The following C9orf153 variants were observed in gnomAD, a reference collection of about 807,000 sequenced individuals.
C9orf153 encodes chromosome 9 open reading frame 153, also known as uncharacterized protein C9orf153.
In C9orf153, 10 loss-of-function variants were observed where a neutral mutation model predicts 9.0. The observed-to-expected ratio is 1.11, with a 90% confidence interval of 0.69 to 1.89. C9orf153 has a LOEUF of 1.89. Ranked by LOEUF, C9orf153 falls within the 40% of genes most tolerant of loss-of-function variation. C9orf153 has a pLI of 0.00. For missense variants in C9orf153, 108 were observed against 111.0 expected, an observed-to-expected ratio of 0.97 and a Z score of 0.12; for synonymous variants, 35 against 37.3, an observed-to-expected ratio of 0.94 and a Z score of 0.23.
At chr9:86,242,734 AG>A (rs1824776744) in intron 1 of C9orf153, among the ~76,000 whole-genome samples, 1 of 152,168 alleles carries the variant, frequency 6.6e-6, no homozygotes, top group Admixed American at 6.5e-5. Context: ...GCTGGATTGC[AG>A]TGGTGCAATC....
At chr9:86,236,782 A>T (rs528147244) in intron 1 of C9orf153, among the ~76,000 whole-genome samples, 5 of 151,862 alleles carry the variant, frequency 3.3e-5, no homozygotes, top group African/African-American at 1.2e-4. Flanking sequence ...TTCTTAATTG[A>T]TGAAAAGATA....
intron 1 of C9orf153, among the ~76,000 whole-genome samples, chr9:86,244,518 A>T (rs1468272554): frequency 6.6e-6 from 1 of 152,258 alleles, no homozygotes; most frequent in Admixed American, 6.5e-5. Flanking sequence ...ACGGCAGCAG[A>T]TGTATGATAA....
chr9:86,250,006 T>C (rs1345484715), intron 1 of C9orf153, among the ~76,000 whole-genome samples: 1 of 152,192 alleles, frequency 6.6e-6, no homozygotes, highest in Non-Finnish European at 1.5e-5. Flanking sequence ...GTTCGTCTTC[T>C]TGGGGGCAAG....
intron 1 of C9orf153, among the ~76,000 whole-genome samples, chr9:86,233,822 C>T (rs982832317): frequency 9.8e-5 from 15 of 152,308 alleles, no homozygotes; most frequent in Middle Eastern, 3.4e-3. Flanking sequence ...CGGTGACTGG[C>T]GCCTGTAATC....
chr9:86,221,873 A>G, intron 3 of C9orf153, 140 bp from the exon 4 acceptor site: 1 of 513,446 alleles, frequency 1.9e-6, no homozygotes, highest in South Asian at 3.6e-5. Flanking sequence ...CTAAAGCTTT[A>G]TTTTTAATTT....
chr9:86,249,834 A>G (rs1824956419), intron 1 of C9orf153, among the ~76,000 whole-genome samples: 1 of 152,234 alleles, frequency 6.6e-6, no homozygotes, highest in African/African-American at 2.4e-5. Context: ...GGCATGAGAC[A>G]CTGCACTTGG....
Position 86,221,581 on chromosome 9 carries a change from G to A in C9orf153, c.*107C>T. The A allele has an allele frequency of 2.1e-6, 3 of 1,422,116 alleles. No individual in the cohort carries two copies. The highest frequency in any genetic ancestry group is 2.8e-6 in the Non-Finnish European group (3 of 1,085,520). 88.1% of individuals were successfully genotyped at this position (1,422,116 alleles called of 1,614,324 possible). On this transcript the variant is annotated 3_prime_UTR_variant, in exon 4 of 4. Transcript: ENST00000339137. ...ACCAAAGACTTGCGAACTATAGGGG[G>A]GAAAATAACGTCAGGCATGTCCTGG...
intron 1 of C9orf153, among the ~76,000 whole-genome samples, chr9:86,233,819 TGG>T (rs1163333844): frequency 7.9e-5 from 12 of 152,202 alleles, no homozygotes; most frequent in African/African-American, 2.7e-4. Flanking sequence ...GCGCGGTGAC[TGG>T]CGCCTGTAAT....
At chr9:86,227,653 T>C (rs1214935292) in intron 3 of C9orf153, 1 of 985,260 alleles carries the variant, frequency 1.0e-6, no homozygotes, top group East Asian at 1.1e-4. Context: ...GAACCTTCTG[T>C]ACGGTAACTT....
intron 1 of C9orf153, among the ~76,000 whole-genome samples, chr9:86,237,893 A>G (rs7852865): frequency 0.035 from 5,368 of 152,250 alleles, 341 homozygotes; most frequent in African/African-American, 0.12. Context: ...AGCCTGGCCA[A>G]CATGGCGAAA....
intron 1 of C9orf153, among the ~76,000 whole-genome samples, chr9:86,234,188 T>A (rs1043673281): frequency 6.6e-6 from 1 of 152,238 alleles, no homozygotes; most frequent in Non-Finnish European, 1.5e-5. Context: ...AAAAATCTTC[T>A]GCGCTTCTGT....
chr9:86,227,890 G>A lies in C9orf153; in HGVS notation c.207C>T (p.Gly69=), dbSNP rs376400439. Residue 69 remains glycine, a synonymous_variant, in exon 3 of 4, where the codon GGC becomes GGT. Transcript: ENST00000339137. ...RNLNVMSFTR[G]ADVRGDLQPV... Reference sequence around the variant, plus strand: ...GTTGGAGATCTCCTCTCACATCAGCGCCCCTGGTGAATGACATGACATTCA... The same window carrying A: ...GTTGGAGATCTCCTCTCACATCAGCACCCCTGGTGAATGACATGACATTCA... 8.1e-6 allele frequency: 13 copies of A among 1,613,330 alleles called. No individual in the cohort carries two copies. The highest frequency in any genetic ancestry group is 2.2e-5 in the South Asian group (2 of 91,004).
chr9:86,244,514 G>T (rs1173829473), intron 1 of C9orf153, among the ~76,000 whole-genome samples: 4 of 152,218 alleles, frequency 2.6e-5, no homozygotes. Flanking sequence ...GAATACGGCA[G>T]CAGATGTATG....
chr9:86,246,600 T>A (rs1206491037), intron 1 of C9orf153, among the ~76,000 whole-genome samples: 2 of 152,220 alleles, frequency 1.3e-5, no homozygotes, highest in African/African-American at 4.8e-5. Context: ...TTCAAAAACC[T>A]TAACAAGTAC....
At chr9:86,248,602 A>G (rs1282816192) in intron 1 of C9orf153, among the ~76,000 whole-genome samples, 1 of 151,998 alleles carries the variant, frequency 6.6e-6, no homozygotes, top group Non-Finnish European at 1.5e-5. Context: ...GCACTTACAC[A>G]TTCACACAAC....
intron 3 of C9orf153, among the ~76,000 whole-genome samples, chr9:86,226,530 C>T (rs915266877): frequency 1.3e-5 from 2 of 151,920 alleles, no homozygotes; most frequent in Non-Finnish European, 2.9e-5. Context: ...TGCCATATTG[C>T]CCCGTCCCAC....
At chr9:86,253,796 T>C (rs139572786) in intron 1 of C9orf153, among the ~76,000 whole-genome samples, 1 of 152,256 alleles carries the variant, frequency 6.6e-6, no homozygotes, top group Non-Finnish European at 1.5e-5. Context: ...GCAAGTATAA[T>C]AAGACTACAA....
intron 1 of C9orf153, among the ~76,000 whole-genome samples, chr9:86,241,855 G>C (rs1034093967): frequency 2.0e-5 from 3 of 152,064 alleles, no homozygotes; most frequent in Non-Finnish European, 2.9e-5. Flanking sequence ...TGAACTCCTG[G>C]CCTCAAGTGA....
intron 1 of C9orf153, among the ~76,000 whole-genome samples, chr9:86,233,820 G>C (rs9722591): frequency 0.54 from 82,558 of 151,952 alleles, 24,441 homozygotes; most frequent in East Asian, 0.82. Context: ...CGCGGTGACT[G>C]GCGCCTGTAA....
Sources: gnomAD v4.1 joint callset for allele counts (sites outside exome capture counted in the v4.1 genomes callset) on GRCh38, gnomAD v4.1.1 for gene constraint, MANE v1.5 for transcripts, NCBI Gene and HGNC (gene_info 2026-07-23, HGNC 2026-07-21) for gene names.